CDH4: variants seen among roughly 807,000 people sequenced by gnomAD.
CDH4 encodes the protein cadherin-4.
A neutral mutation model predicts 86.0 loss-of-function variants in CDH4; 33 were observed. That is an observed-to-expected ratio of 0.38 (90% CI 0.29 to 0.51). CDH4 has a LOEUF of 0.51. CDH4 is among the 20% of genes least tolerant of loss of function. The pLI is 0.86. For missense variants in CDH4, 1,114 were observed against 1,307.4 expected, an observed-to-expected ratio of 0.85 and a Z score of 2.28; for synonymous variants, 555 against 549.4, an observed-to-expected ratio of 1.01 and a Z score of -0.14.
chr20:61,326,197 T>G (rs1344978937), intron 2 of CDH4, among the ~76,000 whole-genome samples: 2 of 152,218 alleles, frequency 1.3e-5, no homozygotes, highest in Non-Finnish European at 2.9e-5. Context: ...GTTTGCATAC[T>G]TCTCCACCGC....
chr20:61,293,590 C>A (rs949420536), intron 2 of CDH4, among the ~76,000 whole-genome samples: 1 of 152,188 alleles, frequency 6.6e-6, no homozygotes, highest in African/African-American at 2.4e-5. Flanking sequence ...TCCCCATCAG[C>A]GGGACAGAGA....
At chr20:61,861,992 C>T (rs1418020171) in intron 6 of CDH4, among the ~76,000 whole-genome samples, 2 of 152,226 alleles carry the variant, frequency 1.3e-5, no homozygotes, top group Non-Finnish European at 2.9e-5. Flanking sequence ...GGGAAGCAAA[C>T]GTCCCAGGCC....
At chr20:61,525,766 C>A (rs192543248) in intron 2 of CDH4, among the ~76,000 whole-genome samples, 1 of 152,330 alleles carries the variant, frequency 6.6e-6, no homozygotes. Flanking sequence ...ATGTCACAGA[C>A]CCCTGCGGCT....
chr20:61,786,764 G>A (rs1978902265), intron 4 of CDH4, among the ~76,000 whole-genome samples: 1 of 152,188 alleles, frequency 6.6e-6, no homozygotes, highest in Admixed American at 6.5e-5. Context: ...AGGTGTTTAG[G>A]ATGAGAGCTC....
intron 4 of CDH4, among the ~76,000 whole-genome samples, chr20:61,805,659 C>T (rs1980084992): frequency 6.6e-6 from 1 of 152,210 alleles, no homozygotes; most frequent in Non-Finnish European, 1.5e-5. Flanking sequence ...CAACCTACCG[C>T]ATGGCAGAGG....
chr20:61,520,004 C>A (rs1002414376), intron 2 of CDH4, among the ~76,000 whole-genome samples: 10 of 152,210 alleles, frequency 6.6e-5, no homozygotes, highest in African/African-American at 2.4e-4. Context: ...TTCCCCAAGA[C>A]CCTGCTGACA....
At chr20:61,792,957 T>TTTTG (rs1568818704) in intron 4 of CDH4, among the ~76,000 whole-genome samples, 1 of 146,840 alleles carries the variant, frequency 6.8e-6, no homozygotes, top group African/African-American at 2.5e-5. Flanking sequence ...CCTATGTGTT[T>TTTTG]TTTTTGTTTT....
At chr20:61,358,797 T>C (rs1047585996) in intron 2 of CDH4, among the ~76,000 whole-genome samples, 15 of 152,156 alleles carry the variant, frequency 9.9e-5, no homozygotes, top group Admixed American at 2.6e-4. Flanking sequence ...ACAGTCGCTT[T>C]AATGCGGGGG....
chr20:61,807,372 T>C lies in CDH4; in HGVS notation c.576+34190T>C, dbSNP rs1157432062. Among the ~76,000 whole-genome samples the C allele has an allele frequency of 6.6e-6, 1 of 152,222 alleles. No homozygotes were observed. Among genetic ancestry groups the C allele is most frequent in the African/African-American group, 2.4e-5 (1 of 41,466 alleles). Reference sequence around the variant, plus strand: ...GAGTGGGCGGTGGGAGAGGATTCCCTGAGCTGTAGAGTTTACCCTCAGCTT... The same window carrying C: ...GAGTGGGCGGTGGGAGAGGATTCCCCGAGCTGTAGAGTTTACCCTCAGCTT... On this transcript the variant is annotated intron_variant, in intron 4 of 15. Coordinates refer to ENST00000614565, the MANE Select transcript of CDH4 (RefSeq NM_001794.5). The surrounding 1 kb of genome is among the most constrained non-coding windows in gnomAD (Gnocchi z 4.5).
rs1156864328 is a variant in CDH4 at position 61,559,519 on chromosome 20, C to CTTTTTTTT, written c.170-184032_170-184025dup. On this transcript the variant is annotated intron_variant, in intron 2 of 15. Coordinates refer to ENST00000614565, the MANE Select transcript of CDH4 (RefSeq NM_001794.5). The stretch of plus-strand genomic sequence containing the variant: ...TCTCCTTTCTTTTTAATTTTTTTTT[C>CTTTTTTTT]TTTTTTTTTTTTTTTTTTTGACACA... Among the ~76,000 whole-genome samples the CTTTTTTTT allele has an allele frequency of 2.0e-4, 21 of 105,160 alleles. 1 individual carries two copies. The highest frequency in any genetic ancestry group is 3.4e-4 in the South Asian group (1 of 2,970). 69.0% of individuals were successfully genotyped at this position (105,160 alleles called of 152,430 possible).
At chr20:61,851,832 G>T (rs2077321241) in intron 5 of CDH4, among the ~76,000 whole-genome samples, 1 of 152,140 alleles carries the variant, frequency 6.6e-6, no homozygotes, top group African/African-American at 2.4e-5. Flanking sequence ...CCCACTGATG[G>T]CTTCTTCTCT....
chr20:61,740,185 G>A (rs1169924173), intron 2 of CDH4, among the ~76,000 whole-genome samples: 1 of 152,206 alleles, frequency 6.6e-6, no homozygotes, highest in Non-Finnish European at 1.5e-5. Flanking sequence ...CTACGGTACT[G>A]CCTCTGAGCT....
At chr20:61,323,502 T>A (rs1352348581) in intron 2 of CDH4, among the ~76,000 whole-genome samples, 1 of 152,188 alleles carries the variant, frequency 6.6e-6, no homozygotes, top group African/African-American at 2.4e-5. Context: ...GTGTGATGCC[T>A]ATAATTCTTT....
intron 2 of CDH4, among the ~76,000 whole-genome samples, chr20:61,536,588 C>T (rs753993795): frequency 6.6e-6 from 1 of 152,062 alleles, no homozygotes; most frequent in South Asian, 2.1e-4. Flanking sequence ...CACACTAATA[C>T]GGTAGAGGAA....
At chr20:61,462,503 G>C (rs1442208142) in intron 2 of CDH4, among the ~76,000 whole-genome samples, 1 of 152,148 alleles carries the variant, frequency 6.6e-6, no homozygotes, top group Non-Finnish European at 1.5e-5. Context: ...ATCATCTTCT[G>C]CCTGTACCAA....
intron 2 of CDH4, among the ~76,000 whole-genome samples, chr20:61,738,058 C>T (rs560636741): frequency 5.9e-5 from 9 of 152,188 alleles, no homozygotes; most frequent in South Asian, 2.1e-4. Context: ...GTGTTCCCCT[C>T]CCCACCCTCT....
At chr20:61,862,015 A>T (rs564874972) in intron 6 of CDH4, among the ~76,000 whole-genome samples, 2 of 152,144 alleles carry the variant, frequency 1.3e-5, no homozygotes, top group Non-Finnish European at 2.9e-5. Flanking sequence ...TGTGAACGGG[A>T]AGCGCCTTTC....
intron 2 of CDH4, among the ~76,000 whole-genome samples, chr20:61,468,401 T>G (rs1223428645): frequency 6.6e-6 from 1 of 152,198 alleles, no homozygotes; most frequent in Admixed American, 6.5e-5. Context: ...TTTTTAACAT[T>G]TTTTTATTTT....
At chr20:61,380,227 G>T (rs2084892298) in intron 2 of CDH4, among the ~76,000 whole-genome samples, 1 of 152,094 alleles carries the variant, frequency 6.6e-6, no homozygotes, top group African/African-American at 2.4e-5. Context: ...CTGCATTAAG[G>T]TTATGCCACA....
Sources: gnomAD v4.1 joint callset for allele counts (sites outside exome capture counted in the v4.1 genomes callset) on GRCh38, gnomAD v4.1.1 for gene constraint, Gnocchi (gnomAD v3.1) non-coding constraint, MANE v1.5 for transcripts, NCBI Gene and HGNC (gene_info 2026-07-23, HGNC 2026-07-21) for gene names.